The following TAB1 variants were observed in gnomAD, a reference collection of about 807,000 sequenced individuals.
TAB1 encodes TGF-beta-activated kinase 1 and MAP3K7-binding protein 1.
A neutral mutation model predicts 54.5 loss-of-function variants in TAB1; 30 were observed. That is an observed-to-expected ratio of 0.55 (90% CI 0.41 to 0.75). The LOEUF (loss-of-function observed/expected upper bound fraction) is 0.75, where lower values mean the gene tolerates loss of function less well. Among genes scored for constraint, TAB1 ranks in the 30% least tolerant of loss-of-function variants. The probability of loss-of-function intolerance (pLI) is 0.00; values close to 1 mark genes in which losing one functional copy is unlikely to be tolerated. For synonymous variants in TAB1, 289 were observed against 286.9 expected, an observed-to-expected ratio of 1.01 and a Z score of -0.07; for missense variants, 609 against 683.2, an observed-to-expected ratio of 0.89 and a Z score of 1.21.
intron 1 of TAB1, among the ~76,000 whole-genome samples, chr22:39,404,476 G>T (rs549281094): frequency 2.1e-4 from 32 of 151,870 alleles, no homozygotes; most frequent in African/African-American, 7.7e-4. Flanking sequence ...ACTTAATGGG[G>T]TGATTGCCTG....
intron 1 of TAB1, among the ~76,000 whole-genome samples, chr22:39,405,511 G>GCTTC (rs1262216932): frequency 1.3e-5 from 2 of 152,214 alleles, no homozygotes; most frequent in Non-Finnish European, 2.9e-5. Flanking sequence ...CCCCTTCTCA[G>GCTTC]CTTCTCGCAG....
downstream of TAB1, chr22:39,433,455 GA>G (rs11454588): frequency 2.1e-3 from 1,812 of 866,746 alleles, no homozygotes; most frequent in Non-Finnish European, 2.2e-3. Context: ...CCTGTCTCAA[GA>G]AAAAAAAAAA....
At chr22:39,429,360 G>A in intron 10 of TAB1, 1 of 985,450 alleles carries the variant, frequency 1.0e-6, no homozygotes, top group Non-Finnish European at 1.2e-6. Context: ...TGGACAGTCG[G>A]TGGTTCAGCT....
intron 1 of TAB1, among the ~76,000 whole-genome samples, chr22:39,405,612 G>A (rs1317539555): frequency 1.3e-5 from 2 of 152,194 alleles, no homozygotes; most frequent in Non-Finnish European, 2.9e-5. Context: ...ATCAGTGTGT[G>A]CAGGGGTGGA....
At chr22:39,434,628 GAC>G (rs766725607), downstream of TAB1, among the ~76,000 whole-genome samples, 14 of 152,256 alleles carry the variant, frequency 9.2e-5, no homozygotes, top group African/African-American at 3.1e-4. Flanking sequence ...GTCAGGGACA[GAC>G]ACAGTGTCTG....
chr22:39,411,703 G>C (rs1926612151), intron 1 of TAB1, among the ~76,000 whole-genome samples: 1 of 152,224 alleles, frequency 6.6e-6, no homozygotes, highest in South Asian at 2.1e-4. Context: ...CTTACCATAT[G>C]AGCCAGCCCT....
At chr22:39,432,823 T>C (rs1342134757), downstream of TAB1, 4 of 985,250 alleles carry the variant, frequency 4.1e-6, no homozygotes, top group Non-Finnish European at 4.8e-6. Flanking sequence ...CCAGCCTTGG[T>C]GTTACTTACT....
At chr22:39,401,682 G>A (rs1926150434) in intron 1 of TAB1, among the ~76,000 whole-genome samples, 1 of 152,182 alleles carries the variant, frequency 6.6e-6, no homozygotes, top group African/African-American at 2.4e-5. Flanking sequence ...GGTGGTGGTG[G>A]CCTTTTTTAA....
rs547669781 is a variant in TAB1 at position 39,415,615 on chromosome 22, G to A, written c.286G>A (p.Glu96Lys). The A allele has an allele frequency of 2.6e-4, 424 of 1,613,220 alleles. 4 individuals are homozygous for A. In the South Asian group the frequency reaches 4.2e-3, roughly 16 times the overall value. Residue 96 changes from glutamate to lysine, a missense_variant, in exon 3 of 11, where the codon GAG (glutamate) becomes AAG (lysine). Coordinates refer to ENST00000216160, the MANE Select transcript of TAB1 (RefSeq NM_006116.3). This position sits in a 1 kb window ranked among gnomAD's most constrained non-coding sequence, Gnocchi z 4.9. ...AELLLGQLNA[E>K]HAEADVRRVL... The stretch of plus-strand genomic sequence containing the variant: ...GCTCCTGCTGGGCCAGCTGAATGCC[G>A]AGCACGCCGAGGCCGATGTGCGGCG...
At chr22:39,436,690 C>T (rs922832851), downstream of TAB1, 815 of 780,698 alleles carry the variant, frequency 1.0e-3, 7 homozygotes, top group African/African-American at 0.013. Flanking sequence ...GCCCCCTCCC[C>T]GGGACTGGGC....
At chr22:39,422,485 T>G (rs1927139320) in intron 8 of TAB1, among the ~76,000 whole-genome samples, 1 of 144,078 alleles carries the variant, frequency 6.9e-6, no homozygotes, top group Non-Finnish European at 1.5e-5. Flanking sequence ...CTCGGCTCAC[T>G]GCAATCTCCG....
intron 10 of TAB1, 129 bp downstream of exon 10, chr22:39,428,312 C>T (rs182745208): frequency 2.6e-4 from 149 of 583,960 alleles, no homozygotes; most frequent in African/African-American, 2.5e-3. Flanking sequence ...AATTCCCCAG[C>T]TCCGTGCCTG....
intron 10 of TAB1, chr22:39,429,321 G>C: frequency 1.0e-5 from 10 of 985,414 alleles, no homozygotes; most frequent in Non-Finnish European, 1.2e-5. Flanking sequence ...AGTAGGTCCT[G>C]GGTTGGGACG....
At chr22:39,434,026 C>T (rs920261816), downstream of TAB1, among the ~76,000 whole-genome samples, 2 of 152,244 alleles carry the variant, frequency 1.3e-5, no homozygotes, top group African/African-American at 4.8e-5. Context: ...GCAGCAGCCC[C>T]TCACACAAGC....
At chr22:39,400,082 G>A (rs1276690287) in intron 1 of TAB1, among the ~76,000 whole-genome samples, 1 of 152,170 alleles carries the variant, frequency 6.6e-6, no homozygotes, top group Non-Finnish European at 1.5e-5. Flanking sequence ...CGTCGAGGGC[G>A]GGAGCGTCCT....
intron 1 of TAB1, among the ~76,000 whole-genome samples, chr22:39,401,012 G>A (rs1926113829): frequency 7.0e-6 from 1 of 143,558 alleles, no homozygotes; most frequent in Non-Finnish European, 1.5e-5. Context: ...CCAGCCTGGA[G>A]CGACAGAGCG....
chr22:39,408,472 G>A (rs935941634), intron 1 of TAB1, among the ~76,000 whole-genome samples: 3 of 152,148 alleles, frequency 2.0e-5, no homozygotes, highest in African/African-American at 7.2e-5. Flanking sequence ...CTTTACTTGT[G>A]GAAGACAATT....
At chr22:39,432,420 G>C (rs1379386502), downstream of TAB1, 1 of 152,306 alleles carries the variant, frequency 6.6e-6, no homozygotes, top group African/African-American at 2.4e-5. Context: ...CTCTGCAACA[G>C]AAACCGAAAC....
Position 39,421,865 on chromosome 22 carries a change from T to C in TAB1, c.815T>C (p.Ile272Thr). The C allele has an allele frequency of 6.2e-7, 1 of 1,613,990 alleles. No individual in the cohort carries two copies. The highest frequency in any genetic ancestry group is 2.2e-5 in the East Asian group (1 of 44,874). ...AAACCAATCATCGCAGAGCCAGAAATCCATGGGGCACAGCCGCTGGATGGG... is the reference window on the plus strand; with the variant it reads ...AAACCAATCATCGCAGAGCCAGAAACCCATGGGGCACAGCCGCTGGATGGG... ...KSKPIIAEPE[I>T]HGAQPLDGVT... Residue 272 changes from isoleucine (I) to threonine (T), a missense_variant, in exon 8 of 11, where the codon ATC becomes ACC. By Grantham distance (89) the Ile-to-Thr change is moderately conservative. Coordinates refer to ENST00000216160, the MANE Select transcript of TAB1 (RefSeq NM_006116.3).
Sources: allele counts gnomAD v4.1 joint callset (sites outside exome capture counted in the v4.1 genomes callset), GRCh38; gene constraint gnomAD v4.1.1; non-coding constraint Gnocchi (gnomAD v3.1); transcripts MANE v1.5; gene names NCBI Gene and HGNC (gene_info 2026-07-23, HGNC 2026-07-21).